The following ADCY5 variants were observed in gnomAD, a reference collection of about 807,000 sequenced individuals.
The protein encoded by ADCY5 is adenylate cyclase type 5.
ADCY5 carries 30 observed loss-of-function variants against 119.7 expected under a neutral mutation model. The ratio of observed to expected loss-of-function variants is 0.25; its 90% confidence interval spans 0.19 to 0.34. The LOEUF is 0.34. ADCY5 is among the 10% of genes least tolerant of loss of function. ADCY5 has a pLI of 1.00. For synonymous variants in ADCY5, 753 were observed against 762.2 expected, an observed-to-expected ratio of 0.99 and a Z score of 0.20; for missense variants, 1,324 against 1,775.2, an observed-to-expected ratio of 0.75 and a Z score of 4.57.
intron 1 of ADCY5, among the ~76,000 whole-genome samples, chr3:123,403,236 C>G (rs1944820462): frequency 6.6e-6 from 1 of 152,072 alleles, no homozygotes; most frequent in Admixed American, 6.6e-5. Flanking sequence ...AAAAACTAGC[C>G]AAGTGTAGTG....
intron 11 of ADCY5, among the ~76,000 whole-genome samples, chr3:123,317,503 G>C (rs190435659): frequency 1.2e-3 from 186 of 152,250 alleles, no homozygotes; most frequent in Admixed American, 3.7e-3. Context: ...GGGAGGCCAA[G>C]GCGGGTGGAT....
rs1288180466 is a variant in ADCY5, at chr3:123,447,349, T to C, written c.1134+63A>G. The C allele has an allele frequency of 3.0e-5, 43 of 1,423,176 alleles. No individual in the cohort carries two copies. In the Admixed American group the frequency reaches 4.8e-4, roughly 16 times the overall value. 88.2% of individuals were successfully genotyped at this position (1,423,176 alleles called of 1,614,324 possible). On this transcript the variant is annotated intron_variant, in intron 1 of 20. Transcript: ENST00000462833. ...AAGGGTGAGGGTGGGATCCCTTTCTTTGGAGTCCAGCTGAGGCCTGCCCGC... is the reference window on the plus strand; with the variant it reads ...AAGGGTGAGGGTGGGATCCCTTTCTCTGGAGTCCAGCTGAGGCCTGCCCGC...
chr3:123,400,246 T>C (rs1462662132), intron 1 of ADCY5, among the ~76,000 whole-genome samples: 1 of 152,202 alleles, frequency 6.6e-6, no homozygotes, highest in Non-Finnish European at 1.5e-5. Context: ...TTTTACATCC[T>C]GGGCTTTGGT....
chr3:123,432,739 CTGGT>C (rs1945546102), intron 1 of ADCY5, among the ~76,000 whole-genome samples: 1 of 152,160 alleles, frequency 6.6e-6, no homozygotes, highest in African/African-American at 2.4e-5. Flanking sequence ...GTAGCCCAGG[CTGGT>C]CTCTAACTCC....
intron 14 of ADCY5, 29 bp from the exon 15 acceptor site, chr3:123,300,324 C>T (rs1378569150): frequency 6.2e-7 from 1 of 1,608,984 alleles, no homozygotes; most frequent in Admixed American, 1.7e-5. Flanking sequence ...AGCATCAGCT[C>T]CCCAGGCCCT....
chr3:123,294,531 C>T lies in ADCY5; in HGVS notation c.3063+1553G>A, dbSNP rs968165458. 2.0e-5 allele frequency among the ~76,000 whole-genome samples: 3 copies of T among 152,340 alleles called. No homozygotes were observed. The East Asian group carries it at 5.8e-4, about 29-fold the overall frequency. ...CGAGGCACCAAGGGGTGCCCGGCTCCATTTCTGTGTGCTTCCTCCAGGAAG... is the reference window on the plus strand; with the variant it reads ...CGAGGCACCAAGGGGTGCCCGGCTCTATTTCTGTGTGCTTCCTCCAGGAAG... On this transcript the variant is annotated intron_variant, in intron 17 of 20. Transcript: ENST00000462833.
At chr3:123,402,111 G>A (rs1351402407) in intron 1 of ADCY5, among the ~76,000 whole-genome samples, 1 of 152,212 alleles carries the variant, frequency 6.6e-6, no homozygotes, top group East Asian at 1.9e-4. Context: ...GTTCTGAGCT[G>A]GATGGGGACC....
chr3:123,293,873 C>T (rs891946571), intron 17 of ADCY5, among the ~76,000 whole-genome samples: 2 of 152,194 alleles, frequency 1.3e-5, no homozygotes, highest in African/African-American at 4.8e-5. Context: ...GGTTTCTAAA[C>T]ACCACTCTCT....
At chr3:123,422,260 A>T (rs1242383369) in intron 1 of ADCY5, among the ~76,000 whole-genome samples, 1 of 152,220 alleles carries the variant, frequency 6.6e-6, no homozygotes, top group Non-Finnish European at 1.5e-5. Context: ...CCAGAAGCTA[A>T]AATGAACAAG....
At chr3:123,306,442 C>G (rs1940202782) in intron 12 of ADCY5, among the ~76,000 whole-genome samples, 1 of 152,154 alleles carries the variant, frequency 6.6e-6, no homozygotes, top group African/African-American at 2.4e-5. Flanking sequence ...GGAAAACATA[C>G]AAGTAGACCT....
At chr3:123,423,799 G>T (rs1444910391) in intron 1 of ADCY5, among the ~76,000 whole-genome samples, 2 of 152,206 alleles carry the variant, frequency 1.3e-5, no homozygotes, top group Non-Finnish European at 1.5e-5. Context: ...GAAGGGCAGG[G>T]GAGGGTGGCC....
intron 18 of ADCY5, 22 bp downstream of exon 18, chr3:123,291,091 T>A (rs757641254): frequency 6.3e-7 from 1 of 1,597,306 alleles, no homozygotes; most frequent in Non-Finnish European, 8.5e-7. Flanking sequence ...GAACACAGCC[T>A]GACCCAGGCC....
chr3:123,377,052 G>A (rs545110377), intron 1 of ADCY5, among the ~76,000 whole-genome samples: 171 of 152,194 alleles, frequency 1.1e-3, no homozygotes, highest in African/African-American at 3.8e-3. Context: ...CGTGTTCTCC[G>A]CCACACACAC....
At chr3:123,327,325 GTA>G (rs1941539750) in intron 7 of ADCY5, among the ~76,000 whole-genome samples, 1 of 152,124 alleles carries the variant, frequency 6.6e-6, no homozygotes, top group Non-Finnish European at 1.5e-5. Context: ...AAAATATACG[GTA>G]TCCACAGACT....
Position 123,284,057 on chromosome 3 carries a change from G to A in ADCY5, c.*551C>T, listed in dbSNP as rs185899533. On this transcript the variant is annotated 3_prime_UTR_variant, in exon 21 of 21. Coordinates refer to ENST00000462833, the MANE Select transcript of ADCY5 (RefSeq NM_183357.3). Reference sequence around the variant, plus strand: ...CCCTCCTAGGGCACTGTCTGTGTGCGTGGAGGTGTGGGCAGAGGACCACGA... The same window carrying A: ...CCCTCCTAGGGCACTGTCTGTGTGCATGGAGGTGTGGGCAGAGGACCACGA... 5.4e-4 allele frequency: 82 copies of A among 152,798 alleles called. No individual in the cohort carries two copies. The highest frequency in any genetic ancestry group is 9.2e-4 in the Non-Finnish European group (63 of 68,390). 9.5% of individuals were successfully genotyped at this position (152,798 alleles called of 1,614,324 possible).
At chr3:123,291,634 G>C (rs529487269) in intron 17 of ADCY5, among the ~76,000 whole-genome samples, 1 of 152,262 alleles carries the variant, frequency 6.6e-6, no homozygotes, top group East Asian at 1.9e-4. Flanking sequence ...CCTCTCTGGG[G>C]GTGCTGAGCC....
intron 1 of ADCY5, among the ~76,000 whole-genome samples, chr3:123,438,848 G>C (rs1434427510): frequency 6.6e-6 from 1 of 152,090 alleles, no homozygotes; most frequent in Non-Finnish European, 1.5e-5. Context: ...CCAGGCTCAA[G>C]AGATCCTTCC....
intron 2 of ADCY5, among the ~76,000 whole-genome samples, chr3:123,348,555 GGGA>G (rs1443800165): frequency 5.9e-5 from 9 of 152,156 alleles, no homozygotes; most frequent in African/African-American, 2.4e-5. Flanking sequence ...GGATGGGGTG[GGGA>G]GGAGGTGCTC....
intron 14 of ADCY5, among the ~76,000 whole-genome samples, 166 bp downstream of exon 14, chr3:123,302,889 G>A (rs555034663): frequency 1.3e-5 from 2 of 152,298 alleles, no homozygotes; most frequent in African/African-American, 2.4e-5. Flanking sequence ...TGTTCCCAGT[G>A]CAGACACTGG....
Sources: gnomAD v4.1 joint callset for allele counts (sites outside exome capture counted in the v4.1 genomes callset) on GRCh38, gnomAD v4.1.1 for gene constraint, MANE v1.5 for transcripts, NCBI Gene and HGNC (gene_info 2026-07-23, HGNC 2026-07-21) for gene names.